NDUFS4: variants seen among roughly 807,000 people sequenced by gnomAD.
NDUFS4 encodes the protein NADH:ubiquinone oxidoreductase subunit S4.
A neutral mutation model predicts 24.3 loss-of-function variants in NDUFS4; 28 were observed. The observed-to-expected ratio is 1.15, with a 90% CI of 0.85 to 1.58. The LOEUF (loss-of-function observed/expected upper bound fraction) is 1.58. NDUFS4 is among the 40% of genes most tolerant of loss of function. The pLI, the probability that NDUFS4 is intolerant of heterozygous loss-of-function variation, is 0.00. For synonymous variants in NDUFS4, 93 were observed against 69.7 expected (o/e 1.34, Z -1.67); for missense variants, 223 against 207.9 (o/e 1.07, Z -0.45).
chr5:53,618,823 C>G (rs566666440), intron 2 of NDUFS4, among the ~76,000 whole-genome samples: 1 of 152,154 alleles, frequency 6.6e-6, no homozygotes, highest in African/African-American at 2.4e-5. Flanking sequence ...TAAAAAATTA[C>G]TGGTTTTAGG....
At chr5:53,669,362 C>G (rs1752605175) in intron 4 of NDUFS4, among the ~76,000 whole-genome samples, 1 of 152,138 alleles carries the variant, frequency 6.6e-6, no homozygotes, top group African/African-American at 2.4e-5. Flanking sequence ...TCTGCCCTTA[C>G]ATTCCAAACC....
chr5:53,665,703 G>A (rs1041138359), intron 4 of NDUFS4, among the ~76,000 whole-genome samples: 18 of 152,176 alleles, frequency 1.2e-4, no homozygotes, highest in East Asian at 5.8e-4. Context: ...GGAGTGACCC[G>A]ATTTTCCAGG....
At chr5:53,584,880 G>A (rs1236483293) in intron 1 of NDUFS4, among the ~76,000 whole-genome samples, 1 of 151,916 alleles carries the variant, frequency 6.6e-6, no homozygotes, top group Non-Finnish European at 1.5e-5. Flanking sequence ...TGATTCCTGT[G>A]CCTCAGCCTC....
intron 3 of NDUFS4, among the ~76,000 whole-genome samples, chr5:53,654,127 G>A (rs943770948): frequency 1.3e-5 from 2 of 151,852 alleles, no homozygotes; most frequent in African/African-American, 4.8e-5. Context: ...TAGCAGAAAT[G>A]TTTCTGATAT....
Position 53,593,308 on chromosome 5 carries a change from G to GTGA in NDUFS4, c.99-10143_99-10141dup, listed in dbSNP as rs1750032763. ...CCATTTCATTTAAGTTATCAAATTTGTGAGCTTAGAGTTGTTCATAATATT... is the reference window on the plus strand; with the variant it reads ...CCATTTCATTTAAGTTATCAAATTTGTGATGAGCTTAGAGTTGTTCATAATATT... On this transcript the variant is annotated intron_variant, in intron 1 of 4. Transcript: ENST00000296684. Among the ~76,000 whole-genome samples the GTGA allele has an allele frequency of 3.3e-5, 5 of 151,866 alleles. No individual in the cohort carries two copies. The South Asian group carries it at 1.0e-3, about 32-fold the overall frequency.
At chr5:53,671,502 A>G (rs1359782799) in intron 4 of NDUFS4, among the ~76,000 whole-genome samples, 1 of 152,208 alleles carries the variant, frequency 6.6e-6, no homozygotes. Flanking sequence ...CATCCTAAAC[A>G]TCTTAAGCTC....
chr5:53,567,192 G>T (rs1749056538), intron 1 of NDUFS4, among the ~76,000 whole-genome samples: 1 of 152,100 alleles, frequency 6.6e-6, no homozygotes, highest in Non-Finnish European at 1.5e-5. Context: ...TTATGATGTG[G>T]AACCCACAGA....
intron 1 of NDUFS4, among the ~76,000 whole-genome samples, chr5:53,592,030 C>A (rs1749982178): frequency 6.6e-6 from 1 of 151,938 alleles, no homozygotes; most frequent in Admixed American, 6.6e-5. Flanking sequence ...CCTCTGCCTC[C>A]CAGGTTCAGG....
At chr5:53,598,616 T>A (rs1750204067) in intron 1 of NDUFS4, among the ~76,000 whole-genome samples, 1 of 152,100 alleles carries the variant, frequency 6.6e-6, no homozygotes, top group South Asian at 2.1e-4. Flanking sequence ...GATGTTTATA[T>A]AAATAAATAT....
chr5:53,670,970 A>C (rs1199391489), intron 4 of NDUFS4, among the ~76,000 whole-genome samples: 1 of 151,594 alleles, frequency 6.6e-6, no homozygotes, highest in Admixed American at 6.6e-5. Flanking sequence ...ATACTCTACT[A>C]TCTATATAGT....
chr5:53,596,822 A>G (rs1750148255), intron 1 of NDUFS4, among the ~76,000 whole-genome samples: 1 of 152,148 alleles, frequency 6.6e-6, no homozygotes, highest in African/African-American at 2.4e-5. Context: ...CTAAAGATTG[A>G]CTCCATAATG....
At chr5:53,623,032 A>G (rs1751101317) in intron 2 of NDUFS4, among the ~76,000 whole-genome samples, 2 of 152,210 alleles carry the variant, frequency 1.3e-5, no homozygotes, top group Non-Finnish European at 2.9e-5. Flanking sequence ...CTGTCGTCGA[A>G]CATTTGGATT....
At chr5:53,580,745 TC>T (rs1218329749) in intron 1 of NDUFS4, among the ~76,000 whole-genome samples, 11 of 149,418 alleles carry the variant, frequency 7.4e-5, no homozygotes, top group African/African-American at 2.8e-4. Context: ...TCCTTTCCTT[TC>T]CTTCCTTTCT....
chr5:53,643,405 T>G (rs982723336), intron 2 of NDUFS4, among the ~76,000 whole-genome samples: 1 of 152,104 alleles, frequency 6.6e-6, no homozygotes, highest in Non-Finnish European at 1.5e-5. Context: ...TTAAATAGTT[T>G]GCGGATTTTA....
chr5:53,564,926 T>C (rs962496573), intron 1 of NDUFS4, among the ~76,000 whole-genome samples: 1 of 152,246 alleles, frequency 6.6e-6, no homozygotes. Flanking sequence ...CTGAATGTTT[T>C]TCATTTCTTT....
chr5:53,617,523 CCT>C (rs1750878682), intron 2 of NDUFS4, among the ~76,000 whole-genome samples: 1 of 152,082 alleles, frequency 6.6e-6, no homozygotes, highest in African/African-American at 2.4e-5. Context: ...CCCCCACTCC[CCT>C]GTCTCTTCTA....
At chr5:53,607,256 C>T (rs1750550794) in intron 2 of NDUFS4, among the ~76,000 whole-genome samples, 1 of 152,150 alleles carries the variant, frequency 6.6e-6, no homozygotes, top group Admixed American at 6.5e-5. Context: ...AACCGTTGTG[C>T]CCATCTCTCC....
chr5:53,619,277 A>G (rs1180404414), intron 2 of NDUFS4, among the ~76,000 whole-genome samples: 3 of 149,206 alleles, frequency 2.0e-5, no homozygotes, highest in Non-Finnish European at 3.0e-5. Flanking sequence ...CTTGGCCAAC[A>G]TAGTGAAACC....
At chr5:53,577,918 TAGATGATCTAATTCTCC>T (rs1741899118) in intron 1 of NDUFS4, among the ~76,000 whole-genome samples, 1 of 152,212 alleles carries the variant, frequency 6.6e-6, no homozygotes, top group Non-Finnish European at 1.5e-5. Flanking sequence ...TTTGGTATCC[TAGATGATCTAATTCTCC>T]AGATGAGCAT....
Sources: gnomAD v4.1 joint callset for allele counts (sites outside exome capture counted in the v4.1 genomes callset) on GRCh38, gnomAD v4.1.1 for gene constraint, MANE v1.5 for transcripts, NCBI Gene and HGNC (gene_info 2026-07-23, HGNC 2026-07-21) for gene names.